KANK4: variants seen among roughly 807,000 people sequenced by gnomAD.
KANK4 encodes KN motif and ankyrin repeat domains 4, also known as KN motif and ankyrin repeat domain-containing protein 4.
A neutral mutation model predicts 80.8 loss-of-function variants in KANK4; 50 were observed. The observed-to-expected ratio is 0.62, with a 90% CI of 0.49 to 0.78. The LOEUF (loss-of-function observed/expected upper bound fraction) is 0.78, where lower values mean the gene tolerates loss of function less well. Among genes scored for constraint, KANK4 ranks in the 30% least tolerant of loss-of-function variants. The pLI is 0.00. For synonymous variants in KANK4, 465 were observed against 506.9 expected (o/e 0.92, Z 1.11); for missense variants, 1,196 against 1,240.1 (o/e 0.96, Z 0.53).
At position 62,319,135 on chromosome 1, in the gene KANK4, G is replaced by A. The variant is rs1185705994; in HGVS notation, c.-100C>T. 2 of 152,418 alleles carry A rather than the reference G, an allele frequency of 1.3e-5. No homozygotes were observed. Among genetic ancestry groups the A allele is most frequent in the Non-Finnish European group, 2.9e-5 (2 of 68,114 alleles). 9.4% of individuals were successfully genotyped at this position (152,418 alleles called of 1,614,324 possible). On this transcript the variant is annotated 5_prime_UTR_variant, in exon 1 of 10. Transcript: ENST00000371153. ...GCGAGCTGCGGAAGTCCTGCGCGAG[G>A]CGGCCCGCGGTGCACGGGGCCGGGG...
chr1:62,243,959 T>G (rs1344139346), intron 9 of KANK4, among the ~76,000 whole-genome samples: 6 of 148,496 alleles, frequency 4.0e-5, no homozygotes, highest in Admixed American at 3.4e-4. Flanking sequence ...GATGTGGTGG[T>G]TTTTTTTTTG....
chr1:62,310,270 G>T (rs17123441), intron 1 of KANK4, among the ~76,000 whole-genome samples: 13,506 of 152,176 alleles, frequency 0.089, 1,005 homozygotes, highest in African/African-American at 0.21. Flanking sequence ...AAGACAAGGG[G>T]GACGATCTAG....
At chr1:62,266,844 C>A in intron 5 of KANK4, 25 bp from the exon 6 acceptor site, 1 of 1,286,958 alleles carries the variant, frequency 7.8e-7, no homozygotes, top group Non-Finnish European at 1.1e-6. Context: ...CATATATACA[C>A]ATATTTATAT....
intron 1 of KANK4, among the ~76,000 whole-genome samples, chr1:62,287,933 T>C (rs1672603768): frequency 6.6e-6 from 1 of 152,098 alleles, no homozygotes; most frequent in African/African-American, 2.4e-5. Flanking sequence ...ACTCTAAGGG[T>C]ATAGAAAAAA....
At chr1:62,303,983 C>T (rs1054588644) in intron 1 of KANK4, among the ~76,000 whole-genome samples, 1 of 151,960 alleles carries the variant, frequency 6.6e-6, no homozygotes, top group African/African-American at 2.4e-5. Context: ...AAGCGATTCT[C>T]CAACCTCAGC....
intron 1 of KANK4, among the ~76,000 whole-genome samples, chr1:62,301,258 G>C (rs1356540267): frequency 6.6e-6 from 1 of 152,080 alleles, no homozygotes; most frequent in Non-Finnish European, 1.5e-5. Flanking sequence ...CTGGGAGAAA[G>C]AGAAACATAT....
chr1:62,292,520 A>G (rs17123363), intron 1 of KANK4, among the ~76,000 whole-genome samples: 1,634 of 152,284 alleles, frequency 0.011, 36 homozygotes, highest in African/African-American at 0.037. Context: ...CCATCTGGAG[A>G]GCCTATTTGG....
chr1:62,275,387 C>T (rs976976619), intron 2 of KANK4, among the ~76,000 whole-genome samples: 1 of 152,170 alleles, frequency 6.6e-6, no homozygotes, highest in African/African-American at 2.4e-5. Context: ...CTGGCAAAAC[C>T]AAATGGTCTT....
rs543669380 is a variant in KANK4, at chr1:62,237,596, T to C, written c.*681A>G. 2.0e-5 allele frequency: 3 copies of C among 152,268 alleles called. No individual in the cohort carries two copies. Among genetic ancestry groups the C allele is most frequent in the South Asian group, 2.1e-4 (1 of 4,820 alleles). 9.4% of individuals were successfully genotyped at this position (152,268 alleles called of 1,614,324 possible). On this transcript the variant is annotated 3_prime_UTR_variant, in exon 10 of 10. Coordinates refer to ENST00000371153, the MANE Select transcript of KANK4 (RefSeq NM_181712.5). Reference sequence around the variant, plus strand: ...ATTTCTTAATTAATTCCAATTTCCCTGGAGCAAATTGGAGCCACTAGATGA... The same window carrying C: ...ATTTCTTAATTAATTCCAATTTCCCCGGAGCAAATTGGAGCCACTAGATGA...
chr1:62,300,403 G>A (rs767551078), intron 1 of KANK4, among the ~76,000 whole-genome samples: 2 of 152,098 alleles, frequency 1.3e-5, no homozygotes, highest in Admixed American at 6.5e-5. Context: ...GGAACTCACC[G>A]TCCAAAATGG....
At chr1:62,278,320 T>TCTTTCCTTCCTTC (rs1420040026) in intron 2 of KANK4, among the ~76,000 whole-genome samples, 2 of 60,530 alleles carry the variant, frequency 3.3e-5, no homozygotes, top group African/African-American at 1.1e-4. Flanking sequence ...ACATTTTCTT[T>TCTTTCCTTCCTTC]CTTCCTTCCT....
Position 62,274,721 on chromosome 1 carries a change from T to C in KANK4, c.383A>G (p.His128Arg), listed in dbSNP as rs988256139. 5.0e-6 allele frequency: 8 copies of C among 1,614,016 alleles called. No individual in the cohort carries two copies. The highest frequency in any genetic ancestry group is 6.8e-6 in the Non-Finnish European group (8 of 1,180,030). The change falls in exon 3 of 10, where the codon CAC becomes CGC. Residue 128 changes from histidine (H) to arginine (R), a missense_variant. By Grantham distance (29) the His-to-Arg change is conservative (BLOSUM62 0). Around this residue, in one of 3 missense-constraint regions of KANK4, gnomAD observed 1,154 missense variants for 1,179.6 expected, o/e 0.98. Transcript: ENST00000371153. ...ASTSRSEVSYHRKALLAEATR... is the reference protein window; with the variant it reads ...ASTSRSEVSYRRKALLAEATR... ...GGCCTCTGCCAACAGAGCCTTCCTG[T>C]GGTAGCTCACCTCACTCCTGCTTGT...
rs751853926 is a variant in KANK4, at chr1:62,238,401, G to A, written c.2884-20C>T. On this transcript the variant is annotated intron_variant, in intron 9 of 9. Coordinates refer to ENST00000371153, the MANE Select transcript of KANK4 (RefSeq NM_181712.5). ...GCCAGCCTACAGGAGAAAAAGGAAA[G>A]AAGAAATAAATATCATCCAATCTGC... The A allele has an allele frequency of 1.9e-6, 3 of 1,607,434 alleles. No individual in the cohort carries two copies. In the African/African-American group the frequency reaches 4.0e-5, roughly 21 times the overall value.
chr1:62,292,049 TC>T (rs1672691132), intron 1 of KANK4, among the ~76,000 whole-genome samples: 1 of 152,068 alleles, frequency 6.6e-6, no homozygotes, highest in African/African-American at 2.4e-5. Flanking sequence ...TCCACTCCAC[TC>T]CCCATTCCCT....
chr1:62,258,597 C>T lies in KANK4; in HGVS notation c.2539+4495G>A, dbSNP rs191390302. ...ACTTGGAAGTTTACTGGAATTTAAC[C>T]TAGCTCCCGAGAGTCATCCATCGCT... On this transcript the variant is annotated intron_variant, in intron 7 of 9. Coordinates refer to ENST00000371153, the MANE Select transcript of KANK4 (RefSeq NM_181712.5). Among the ~76,000 whole-genome samples the T allele has an allele frequency of 1.2e-3, 180 of 152,306 alleles. 1 individual carries two copies. Among genetic ancestry groups the T allele is most frequent in the African/African-American group, 3.9e-3 (164 of 41,558 alleles).
rs1553132513 is a variant in KANK4, at chr1:62,293,105, T to TGA, written c.-70-11473_-70-11472dup. 1.9e-4 allele frequency among the ~76,000 whole-genome samples: 27 copies of TGA among 144,016 alleles called. No individual in the cohort carries two copies. In the East Asian group the frequency reaches 4.7e-3, roughly 25 times the overall value. The allele number at this position is 144,016 out of a possible 152,430, so 94.5% of individuals were successfully genotyped here. A position where few individuals can be genotyped will look rare whatever the true frequency, so the allele number is the denominator to read the frequency against. ...GTGTGTGTGTGTGTGTGTGTGTGTGTGAGACAGAGTGTCACTCTGTTGCCC... is the reference window on the plus strand; with the variant it reads ...GTGTGTGTGTGTGTGTGTGTGTGTGTGAGAGACAGAGTGTCACTCTGTTGCCC... On this transcript the variant is annotated intron_variant, in intron 1 of 9. Transcript: ENST00000371153.
At chr1:62,251,601 A>G (rs1013902683) in intron 8 of KANK4, among the ~76,000 whole-genome samples, 2 of 152,168 alleles carry the variant, frequency 1.3e-5, no homozygotes, top group African/African-American at 4.8e-5. Flanking sequence ...AGAGGGCCCC[A>G]GAAGATGAAT....
At chr1:62,245,487 G>T (rs1294457164) in intron 9 of KANK4, among the ~76,000 whole-genome samples, 3 of 152,166 alleles carry the variant, frequency 2.0e-5, no homozygotes, top group African/African-American at 7.2e-5. Context: ...TGGGCAGGGA[G>T]ATGACTCTCT....
chr1:62,252,669 C>T (rs2149123699), intron 8 of KANK4, among the ~76,000 whole-genome samples: 1 of 152,364 alleles, frequency 6.6e-6, no homozygotes, highest in South Asian at 2.1e-4. Flanking sequence ...AAGGACTGGA[C>T]CTCCAAAGAG....
Sources: gnomAD v4.1 joint callset for allele counts (sites outside exome capture counted in the v4.1 genomes callset) on GRCh38, gnomAD v4.1.1 for gene constraint, gnomAD v4.1.1 regional missense constraint, MANE v1.5 for transcripts, NCBI Gene and HGNC (gene_info 2026-07-23, HGNC 2026-07-21) for gene names.